CREM: variants seen among roughly 807,000 people sequenced by gnomAD.
CREM encodes the protein cAMP-responsive element modulator.
In CREM, 13 loss-of-function variants were observed where a neutral mutation model predicts 37.3. That is an observed-to-expected ratio of 0.35 (90% CI 0.23 to 0.55). CREM has a LOEUF of 0.55. Among genes scored for constraint, CREM ranks in the 20% least tolerant of loss-of-function variants. CREM has a pLI of 0.88. For missense variants in CREM, 296 were observed against 362.3 expected (o/e 0.82, Z 1.49); for synonymous variants, 124 against 120.2 (o/e 1.03, Z -0.21).
intron 3 of CREM, chr10:35,167,734 G>A (rs763460377): frequency 4.3e-6 from 7 of 1,613,974 alleles, no homozygotes; most frequent in Admixed American, 1.7e-5. Context: ...GGATGTGGTG[G>A]CATCAGCATA....
chr10:35,158,401 G>A, intron 3 of CREM: 1 of 284,758 alleles, frequency 3.5e-6, no homozygotes. Flanking sequence ...TGAACCGGGG[G>A]CTGAAGCAGG....
At chr10:35,143,035 A>G (rs2091637437) in intron 2 of CREM, among the ~76,000 whole-genome samples, 1 of 152,330 alleles carries the variant, frequency 6.6e-6, no homozygotes, top group Admixed American at 6.5e-5. Flanking sequence ...CAATGGCACA[A>G]TCTTGGCTTA....
At chr10:35,208,586 G>A (rs2095591690) in intron 7 of CREM, among the ~76,000 whole-genome samples, 1 of 152,120 alleles carries the variant, frequency 6.6e-6, no homozygotes, top group African/African-American at 2.4e-5. Flanking sequence ...GTGTTATCAA[G>A]GGCCCAGACT....
chr10:35,151,355 G>C (rs1241215547), intron 3 of CREM, among the ~76,000 whole-genome samples: 1 of 151,930 alleles, frequency 6.6e-6, no homozygotes, highest in Non-Finnish European at 1.5e-5. Context: ...TGTTGTTTTT[G>C]TTTTGTTTCG....
At chr10:35,129,920 GGC>G (rs1483409823) in intron 1 of CREM, among the ~76,000 whole-genome samples, 6 of 152,162 alleles carry the variant, frequency 3.9e-5, no homozygotes, top group Non-Finnish European at 8.8e-5. Context: ...GTTTAGGCCG[GGC>G]ATGGTGGCTC....
rs572795561 is a variant in CREM, at chr10:35,144,885, G to T, written c.45-3483G>T. ...TATTGAGTTGTAACTTCCAGGCTGG[G>T]CATGGTGGCCATGCCTGTAATCCTA... On this transcript the variant is annotated intron_variant, in intron 2 of 7. Coordinates refer to ENST00000685392, the MANE Select transcript of CREM (RefSeq NM_183011.2). Among the ~76,000 whole-genome samples, 282 of 151,962 alleles carry T rather than the reference G, an allele frequency of 1.9e-3. 2 individuals carry two copies. The highest frequency in any genetic ancestry group is 6.8e-3 in the Middle Eastern group (2 of 294).
At chr10:35,201,484 C>T (rs1288202516) in intron 6 of CREM, 5 of 1,551,518 alleles carry the variant, frequency 3.2e-6, no homozygotes, top group Non-Finnish European at 4.4e-6. Context: ...AGTCACATGG[C>T]TGGTAAGTGG....
chr10:35,190,970 A>G (rs531339045), intron 6 of CREM, among the ~76,000 whole-genome samples: 3 of 152,268 alleles, frequency 2.0e-5, no homozygotes, highest in East Asian at 3.9e-4. Flanking sequence ...CCAAGACTGC[A>G]TTTAATTTAG....
At chr10:35,167,773 G>A (rs2093624499) in intron 3 of CREM, 1 of 1,613,936 alleles carries the variant, frequency 6.2e-7, no homozygotes. Context: ...CTATAGAAGA[G>A]GATTATTCTT....
intron 3 of CREM, 96 bp downstream of exon 3, chr10:35,148,587 T>C (rs2092345734): frequency 1.5e-6 from 2 of 1,333,702 alleles, no homozygotes; most frequent in African/African-American, 1.5e-5. Flanking sequence ...AAATTTTCCA[T>C]GTTCCCTGGT....
At chr10:35,194,497 A>C (rs2095063816) in intron 6 of CREM, among the ~76,000 whole-genome samples, 1 of 152,214 alleles carries the variant, frequency 6.6e-6, no homozygotes, top group Non-Finnish European at 1.5e-5. Flanking sequence ...TCAATCTAGT[A>C]GTTATGGGAG....
chr10:35,209,519 T>A (rs2095617480), intron 7 of CREM: 1 of 188,574 alleles, frequency 5.3e-6, no homozygotes, highest in African/African-American at 2.4e-5. Context: ...TATGTGTGTC[T>A]GTGCATGCAC....
intron 5 of CREM, among the ~76,000 whole-genome samples, chr10:35,183,431 C>G (rs2094435138): frequency 6.6e-6 from 1 of 152,182 alleles, no homozygotes. Flanking sequence ...TTACATTTCT[C>G]TAAGGCAACT....
intron 1 of CREM, among the ~76,000 whole-genome samples, chr10:35,133,111 TTTCTTA>T (rs1036238600): frequency 3.1e-4 from 47 of 152,292 alleles, no homozygotes; most frequent in African/African-American, 1.0e-3. Flanking sequence ...GCTTTCAGGT[TTTCTTA>T]TTCTTTTTCT....
chr10:35,173,625 G>T (rs1046971766), intron 3 of CREM, among the ~76,000 whole-genome samples: 1 of 152,128 alleles, frequency 6.6e-6, no homozygotes, highest in Non-Finnish European at 1.5e-5. Context: ...ATAACCAGTG[G>T]TGTGCACAGC....
At chr10:35,129,426 C>A (rs914120392) in intron 1 of CREM, among the ~76,000 whole-genome samples, 2 of 152,104 alleles carry the variant, frequency 1.3e-5, no homozygotes, top group Non-Finnish European at 2.9e-5. Context: ...AGGGTTATGA[C>A]CATTTCATGA....
In CREM at chr10:35,158,615, G is replaced by C. The variant is rs185369531; in HGVS notation, c.168+10124G>C. 2.5e-3 allele frequency: 399 copies of C among 157,534 alleles called. 12 individuals carry two copies. The highest frequency in any genetic ancestry group is 0.024 in the Admixed American group (362 of 15,326). The allele number at this position is 157,534 out of a possible 1,614,324, so 9.8% of individuals were successfully genotyped here. On this transcript the variant is annotated intron_variant, in intron 3 of 7. Coordinates refer to ENST00000685392, the MANE Select transcript of CREM (RefSeq NM_183011.2). ...GTCTGCAACATCCGGCCAGAAATCTGTGAAAACTGCTGCATAAATGGGTAG... is the reference window on the plus strand; with the variant it reads ...GTCTGCAACATCCGGCCAGAAATCTCTGAAAACTGCTGCATAAATGGGTAG...
chr10:35,181,215 A>C (rs11010117), intron 5 of CREM, among the ~76,000 whole-genome samples: 4,555 of 152,294 alleles, frequency 0.03, 222 homozygotes, highest in African/African-American at 0.1. Context: ...TTGCAAACTC[A>C]ATGATCAGAG....
chr10:35,179,003 T>C lies in CREM; in HGVS notation c.266+17T>C. 6.3e-7 allele frequency: 1 copy of C among 1,581,366 alleles called. No homozygotes were observed. The highest frequency in any genetic ancestry group is 8.6e-7 in the Non-Finnish European group (1 of 1,162,510). ...CTCTTATAGGTAAGTTAACCAAGTT[T>C]CCTAATGTAAAGATACTTTTTCCAA... On this transcript the variant is annotated intron_variant, in intron 4 of 7. Transcript: ENST00000685392.
Sources: gnomAD v4.1 joint callset for allele counts (sites outside exome capture counted in the v4.1 genomes callset) on GRCh38, gnomAD v4.1.1 for gene constraint, MANE v1.5 for transcripts, NCBI Gene and HGNC (gene_info 2026-07-23, HGNC 2026-07-21) for gene names.